TSBP1: variants seen among roughly 807,000 people sequenced by gnomAD.
The protein encoded by TSBP1 is testis-expressed basic protein 1.
A neutral mutation model predicts 68.8 loss-of-function variants in TSBP1; 56 were observed. The ratio of observed to expected loss-of-function variants is 0.81; its 90% CI spans 0.66 to 1.02. The LOEUF is 1.02. Among genes scored for constraint, TSBP1 ranks in the 50% least tolerant of loss-of-function variants. The pLI is 0.00. For missense variants in TSBP1, 502 were observed against 641.2 expected (o/e 0.78, Z 2.34); for synonymous variants, 171 against 208.7 (o/e 0.82, Z 1.56).
At chr6:32,349,048 G>C (rs1562161687) in intron 9 of TSBP1, among the ~76,000 whole-genome samples, 2 of 152,116 alleles carry the variant, frequency 1.3e-5, no homozygotes, top group African/African-American at 2.4e-5. Context: ...CAAAATCTCA[G>C]CAGGGTTAGG....
intron 1 of TSBP1, 26 bp downstream of exon 1, chr6:32,371,668 G>A: frequency 6.4e-7 from 1 of 1,570,824 alleles, no homozygotes; most frequent in Non-Finnish European, 8.8e-7. Context: ...AGTTGAGGAA[G>A]CCTCAAAGAG....
chr6:32,347,057 A>T (rs1055637864), intron 9 of TSBP1, among the ~76,000 whole-genome samples: 1 of 152,208 alleles, frequency 6.6e-6, no homozygotes, highest in Non-Finnish European at 1.5e-5. Flanking sequence ...TCATTCTACA[A>T]TGTATACATA....
chr6:32,314,259 A>G lies in TSBP1; in HGVS notation c.580+1513T>C, dbSNP rs11966368. On this transcript the variant is annotated intron_variant, in intron 19 of 22. Coordinates refer to ENST00000612031, the Ensembl canonical transcript of TSBP1. The surrounding 1 kb of genome is among the most constrained non-coding windows in gnomAD (Gnocchi z 4.2). ...TGTTATAAACCCTAGTTACTTTGGCATTCCTTTTTTCTTTCTCCCTACCCC... is the reference window on the plus strand; with the variant it reads ...TGTTATAAACCCTAGTTACTTTGGCGTTCCTTTTTTCTTTCTCCCTACCCC... Among the ~76,000 whole-genome samples the G allele has an allele frequency of 2.6e-5, 4 of 152,120 alleles. No homozygotes were observed. The highest frequency in any genetic ancestry group is 5.9e-5 in the Non-Finnish European group (4 of 68,008).
At chr6:32,326,126 G>A (rs1768195438) in intron 16 of TSBP1, 4 of 1,400,546 alleles carry the variant, frequency 2.9e-6, no homozygotes, top group Non-Finnish European at 4.0e-6. Flanking sequence ...AACCAAAGTG[G>A]CTATTGTGGT....
chr6:32,307,919 G>C (rs2127571532), intron 19 of TSBP1, among the ~76,000 whole-genome samples: 1 of 152,032 alleles, frequency 6.6e-6, no homozygotes, highest in Admixed American at 6.5e-5. Context: ...GGGATGACAA[G>C]CATGTGCCAC....
At chr6:32,351,242 G>T (rs60863947) in intron 8 of TSBP1, among the ~76,000 whole-genome samples, 1 of 152,124 alleles carries the variant, frequency 6.6e-6, no homozygotes, top group Non-Finnish European at 1.5e-5. Context: ...AGGCTTGTTT[G>T]TAAAGTCATC....
At chr6:32,367,427 G>A (rs2143462) in intron 4 of TSBP1, among the ~76,000 whole-genome samples, 22,097 of 151,934 alleles carry the variant, frequency 0.15, 1,764 homozygotes, top group Non-Finnish European at 0.18. Flanking sequence ...GCGCATTGCC[G>A]TCTTCTCATA....
chr6:32,330,517 C>T lies in TSBP1; in HGVS notation c.514+72G>A. 4 of 1,418,332 alleles carry T rather than the reference C, an allele frequency of 2.8e-6. 1 individual carries two copies. Among genetic ancestry groups the T allele is most frequent in the Middle Eastern group, 3.6e-4 (2 of 5,540 alleles). The allele number at this position is 1,418,332 out of a possible 1,614,324, so 87.9% of individuals were successfully genotyped here. A position where few individuals can be genotyped will look rare whatever the true frequency, so the allele number is the denominator to read the frequency against. On this transcript the variant is annotated intron_variant, in intron 16 of 22. Coordinates refer to ENST00000612031, the Ensembl canonical transcript of TSBP1. ...TGAGACACATCTAGGGCATTTGAGA[C>T]AGGGAACAGGCCCTCTAGACACTGT...
intron 15 of TSBP1, among the ~76,000 whole-genome samples, chr6:32,331,784 G>C (rs1034253618): frequency 3.9e-5 from 6 of 152,128 alleles, no homozygotes. Context: ...CATTAGGCTG[G>C]TTCCCCACTT....
At chr6:32,366,169 C>T (rs369437685) in exon 6 of TSBP1, 24 of 1,601,862 alleles carry the variant, frequency 1.5e-5, no homozygotes, top group African/African-American at 9.4e-5. Context: ...ATACTTACCT[C>T]GGTTATCATA....
chr6:32,330,409 A>T (rs1480877287), intron 16 of TSBP1, among the ~76,000 whole-genome samples, 180 bp downstream of exon 17: 1 of 151,514 alleles, frequency 6.6e-6, no homozygotes, highest in African/African-American at 2.4e-5. Context: ...TTTTTCTTTT[A>T]AAAAAAATAG....
chr6:32,313,651 C>A (rs1261002140), intron 19 of TSBP1, among the ~76,000 whole-genome samples: 3 of 152,046 alleles, frequency 2.0e-5, no homozygotes, highest in African/African-American at 4.8e-5. Context: ...GGCTATCTTT[C>A]ATGGATATTC....
chr6:32,355,409 TTTC>T (rs560873272), intron 7 of TSBP1, among the ~76,000 whole-genome samples: 1,757 of 152,274 alleles, frequency 0.012, 54 homozygotes, highest in Middle Eastern at 0.048. Flanking sequence ...CCCTCTCTAT[TTTC>T]TTCTCTCTCT....
At chr6:32,360,708 C>T (rs1326628447) in intron 6 of TSBP1, among the ~76,000 whole-genome samples, 1 of 152,114 alleles carries the variant, frequency 6.6e-6, no homozygotes, top group Admixed American at 6.5e-5. Context: ...CTTGCCAACA[C>T]TTGTTATCCC....
chr6:32,337,461 C>T lies in TSBP1; in HGVS notation c.410-826G>A, dbSNP rs78546106. Among the ~76,000 whole-genome samples, 6,344 of 152,226 alleles carry T rather than the reference C, an allele frequency of 0.042. 230 individuals are homozygous for T. Among genetic ancestry groups the T allele is most frequent in the South Asian group, 0.11 (537 of 4,818 alleles). On this transcript the variant is annotated intron_variant, in intron 11 of 22. Transcript: ENST00000612031. The surrounding 1 kb of genome is among the most constrained non-coding windows in gnomAD (Gnocchi z 5.5). ...CTTGCTTAGCTAGAATCTATAGCCT[C>T]ATCTGAAGGAGACAGTGGGAATTGC...
intron 6 of TSBP1, chr6:32,356,859 T>G (rs1392846863): frequency 6.5e-6 from 1 of 154,388 alleles, no homozygotes; most frequent in Non-Finnish European, 1.5e-5. Flanking sequence ...CACTTAACAT[T>G]TGCTAGAAAA....
chr6:32,319,085 T>A (rs909048253), intron 18 of TSBP1, among the ~76,000 whole-genome samples: 19 of 152,168 alleles, frequency 1.2e-4, no homozygotes, highest in African/African-American at 4.1e-4. Flanking sequence ...ATCTAGAACC[T>A]AACATATGCA....
rs1209715197 is a variant in TSBP1 at position 32,315,346 on chromosome 6, T to G, written c.580+426A>C. On this transcript the variant is annotated intron_variant, in intron 19 of 22. Transcript: ENST00000612031. The surrounding 1 kb of genome is among the most constrained non-coding windows in gnomAD (Gnocchi z 5.4). The stretch of plus-strand genomic sequence containing the variant: ...GGGAGGCCAACGCGGGCGGATCACT[T>G]GAGGTCAGGAGTTCAAGAACAGCCT... 1.3e-5 allele frequency among the ~76,000 whole-genome samples: 2 copies of G among 152,088 alleles called. No individual in the cohort carries two copies. Among genetic ancestry groups the G allele is most frequent in the Non-Finnish European group, 2.9e-5 (2 of 68,000 alleles).
rs1277717083 is a variant in TSBP1 at position 32,308,980 on chromosome 6, G to C, written c.581-6351C>G. ...TGCTTTTTTTTTTTTTTTTTTGACA[G>C]GGTCTTGCTCCTAGGCTGGAGTGCG... On this transcript the variant is annotated intron_variant, in intron 19 of 22. Transcript: ENST00000612031. 3.2e-5 allele frequency among the ~76,000 whole-genome samples: 4 copies of C among 126,286 alleles called. No individual in the cohort carries two copies. The East Asian group carries it at 9.4e-4, about 30-fold the overall frequency. 82.8% of individuals were successfully genotyped at this position (126,286 alleles called of 152,430 possible).
Sources: allele counts gnomAD v4.1 joint callset (sites outside exome capture counted in the v4.1 genomes callset), GRCh38; gene constraint gnomAD v4.1.1; non-coding constraint Gnocchi (gnomAD v3.1); transcripts MANE v1.5; gene names NCBI Gene and HGNC (gene_info 2026-07-23, HGNC 2026-07-21).